The following TBC1D14 variants were observed in gnomAD, a reference collection of about 807,000 sequenced individuals.
TBC1D14 encodes the protein TBC1 domain family member 14.
Under a neutral mutation model 79.0 loss-of-function variants are expected in TBC1D14, and 26 were observed. The observed-to-expected ratio is 0.33, with a 90% confidence interval of 0.24 to 0.46. The LOEUF (loss-of-function observed/expected upper bound fraction) is 0.46. Among genes scored for constraint, TBC1D14 ranks in the 20% least tolerant of loss-of-function variants. TBC1D14 has a pLI of 1.00. For missense variants in TBC1D14, 769 were observed against 887.6 expected (o/e 0.87, Z 1.70); for synonymous variants, 394 against 349.9 (o/e 1.13, Z -1.40).
At chr4:6,961,369 C>T (rs1254104733) in intron 2 of TBC1D14, among the ~76,000 whole-genome samples, 1 of 151,682 alleles carries the variant, frequency 6.6e-6, no homozygotes, top group African/African-American at 2.4e-5. Context: ...TGGGCACTCC[C>T]CATTCTTGTC....
At chr4:6,919,305 C>T (rs186433014) in intron 1 of TBC1D14, among the ~76,000 whole-genome samples, 226 of 152,170 alleles carry the variant, frequency 1.5e-3, no homozygotes, top group African/African-American at 5.3e-3. Flanking sequence ...CACCACCATG[C>T]CCGGCTAATT....
At chr4:7,023,993 A>AT (rs914002602) in intron 12 of TBC1D14, among the ~76,000 whole-genome samples, 30 of 152,302 alleles carry the variant, frequency 2.0e-4, no homozygotes, top group African/African-American at 7.0e-4. Flanking sequence ...AGCCTGGAAC[A>AT]TTCCTGCTCT....
intron 9 of TBC1D14, among the ~76,000 whole-genome samples, chr4:7,008,649 G>T (rs1226375040): frequency 6.6e-6 from 1 of 152,194 alleles, no homozygotes; most frequent in African/African-American, 2.4e-5. Flanking sequence ...CTGACCTCGT[G>T]ATCAGCCCAC....
intron 10 of TBC1D14, 123 bp from the exon 11 acceptor site, chr4:7,010,530 A>G: frequency 8.4e-7 from 1 of 1,195,642 alleles, no homozygotes; most frequent in South Asian, 1.6e-5. Flanking sequence ...TGGCCGGAGG[A>G]GTGGGGCGGC....
chr4:6,965,581 C>T (rs981789601), intron 2 of TBC1D14, among the ~76,000 whole-genome samples: 4 of 152,192 alleles, frequency 2.6e-5, no homozygotes, highest in African/African-American at 9.7e-5. Flanking sequence ...AAGTGTCTTG[C>T]TCTGTCACTC....
intron 2 of TBC1D14, among the ~76,000 whole-genome samples, chr4:6,947,755 G>A (rs567473030): frequency 1.8e-4 from 27 of 152,208 alleles, no homozygotes; most frequent in African/African-American, 6.5e-4. Flanking sequence ...GTGTTTGAAG[G>A]AGATTTCAAG....
intron 9 of TBC1D14, among the ~76,000 whole-genome samples, 154 bp downstream of exon 9, chr4:7,006,880 T>C (rs895305249): frequency 6.6e-6 from 1 of 152,210 alleles, no homozygotes; most frequent in Non-Finnish European, 1.5e-5. Context: ...ATTTAGACTT[T>C]TTAAAATAAG....
intron 5 of TBC1D14, chr4:6,997,158 A>G (rs1719144360): frequency 6.6e-6 from 1 of 152,314 alleles, no homozygotes; most frequent in Admixed American, 6.5e-5. Context: ...GTCAAAGAGA[A>G]TGACCATCCC....
intron 2 of TBC1D14, among the ~76,000 whole-genome samples, chr4:6,938,884 T>G (rs1490856036): frequency 1.3e-5 from 2 of 152,206 alleles, no homozygotes; most frequent in African/African-American, 4.8e-5. Flanking sequence ...GTTCCTCCCC[T>G]GCAGCCGCAC....
chr4:7,013,021 G>T (rs1376377564), intron 11 of TBC1D14, among the ~76,000 whole-genome samples: 1 of 152,178 alleles, frequency 6.6e-6, no homozygotes, highest in Non-Finnish European at 1.5e-5. Flanking sequence ...AGTTTCTGCT[G>T]ATTTTGAAGA....
intron 2 of TBC1D14, among the ~76,000 whole-genome samples, chr4:6,935,551 TCCTCTTCCTCCTCTCCCTTTC>T (rs1276164424): frequency 6.6e-6 from 1 of 152,066 alleles, no homozygotes; most frequent in Admixed American, 6.6e-5. Context: ...CTCTCCCTTT[TCCTCTTCCTCCTCTCCCTTTC>T]CCTCTCCCTC....
intron 2 of TBC1D14, among the ~76,000 whole-genome samples, chr4:6,925,540 G>A (rs558272356): frequency 2.0e-5 from 3 of 152,232 alleles, no homozygotes; most frequent in African/African-American, 7.2e-5. Context: ...GGATCATCTC[G>A]GACCAGCCTA....
intron 13 of TBC1D14, among the ~76,000 whole-genome samples, chr4:7,027,290 ACC>A (rs56043928): frequency 2.1e-5 from 3 of 139,962 alleles, no homozygotes; most frequent in African/African-American, 5.4e-5. Context: ...TACATATGTC[ACC>A]CCCCCCACAC....
intron 6 of TBC1D14, among the ~76,000 whole-genome samples, chr4:6,999,622 G>C (rs1719450559): frequency 6.6e-6 from 1 of 152,066 alleles, no homozygotes; most frequent in South Asian, 2.1e-4. Context: ...CCCCCCATAG[G>C]TGTTGCTCCT....
intron 2 of TBC1D14, among the ~76,000 whole-genome samples, chr4:6,962,711 C>T (rs748775936): frequency 1.6e-4 from 24 of 152,092 alleles, no homozygotes; most frequent in Non-Finnish European, 3.1e-4. Context: ...TCCTTGCCTG[C>T]TCTCTCCCAG....
At chr4:6,975,700 C>A (rs1716658135) in intron 3 of TBC1D14, among the ~76,000 whole-genome samples, 2 of 152,280 alleles carry the variant, frequency 1.3e-5, no homozygotes, top group African/African-American at 2.4e-5. Flanking sequence ...AATTTTGTAA[C>A]TGAAAAATAC....
At chr4:7,007,066 T>C (rs905031759) in intron 9 of TBC1D14, among the ~76,000 whole-genome samples, 1 of 152,182 alleles carries the variant, frequency 6.6e-6, no homozygotes, top group African/African-American at 2.4e-5. Flanking sequence ...CTCTCAGGAC[T>C]GTGTGTAGCA....
intron 6 of TBC1D14, among the ~76,000 whole-genome samples, 159 bp from the exon 7 acceptor site, chr4:7,000,986 T>G (rs940391549): frequency 1.3e-5 from 2 of 152,154 alleles, no homozygotes; most frequent in African/African-American, 4.8e-5. Flanking sequence ...ATTGTTGATT[T>G]GATCTTTACA....
At chr4:7,012,547 AGG>A (rs1312314771) in intron 11 of TBC1D14, among the ~76,000 whole-genome samples, 1 of 152,246 alleles carries the variant, frequency 6.6e-6, no homozygotes, top group African/African-American at 2.4e-5. Context: ...AAATGAGGTT[AGG>A]AGAATGCAGA....
Sources: gnomAD v4.1 joint callset for allele counts (sites outside exome capture counted in the v4.1 genomes callset) on GRCh38, gnomAD v4.1.1 for gene constraint, MANE v1.5 for transcripts, NCBI Gene and HGNC (gene_info 2026-07-23, HGNC 2026-07-21) for gene names.